CHD9: variants seen among roughly 807,000 people sequenced by gnomAD.
CHD9 encodes the protein chromodomain helicase DNA binding protein 9.
CHD9 carries 77 observed loss-of-function variants against 316.1 expected under a neutral mutation model. The ratio of observed to expected loss-of-function variants is 0.24; its 90% CI spans 0.20 to 0.29. The LOEUF is 0.29. CHD9 is among the 10% of genes least tolerant of loss of function. CHD9 has a pLI of 1.00. For synonymous variants in CHD9, 1,129 were observed against 1,158.3 expected (o/e 0.97, Z 0.51); for missense variants, 2,763 against 3,438.1 (o/e 0.80, Z 4.91).
intron 34 of CHD9, among the ~76,000 whole-genome samples, chr16:53,312,662 G>A (rs1419871007): frequency 6.6e-6 from 1 of 152,082 alleles, no homozygotes; most frequent in East Asian, 1.9e-4. Flanking sequence ...TCTAGGGCAG[G>A]GGTCAGAGGT....
intron 1 of CHD9, among the ~76,000 whole-genome samples, chr16:53,132,599 A>G (rs149774038): frequency 2.8e-4 from 43 of 152,208 alleles, no homozygotes; most frequent in Non-Finnish European, 8.8e-5. Context: ...TTTGCAATGC[A>G]AAAGGATGAT....
chr16:53,307,936 A>G lies in CHD9; in HGVS notation c.7036A>G (p.Thr2346Ala), dbSNP rs1417639382. 1.2e-6 allele frequency: 2 copies of G among 1,607,298 alleles called. No individual in the cohort carries two copies. Among genetic ancestry groups the G allele is most frequent in the African/African-American group, 2.7e-5 (2 of 74,826 alleles). Residue 2346 changes from threonine (T) to alanine (A), a missense_variant, in exon 33 of 39, where the codon ACA (threonine) becomes GCA (alanine). By Grantham distance (58) the Thr-to-Ala change is moderately conservative. Around this residue, in one of 15 missense-constraint regions of CHD9, gnomAD observed 663 missense variants for 751.2 expected, o/e 0.88. Coordinates refer to ENST00000447540, the MANE Select transcript of CHD9 (RefSeq NM_001308319.2). ...VKKHVREKEF[T>A]VKIKDEGGLK... Reference sequence around the variant, plus strand: ...GAAGCATGTACGAGAAAAGGAGTTTACAGTGAAAATCAAAGACGTATGTGT... The same window carrying G: ...GAAGCATGTACGAGAAAAGGAGTTTGCAGTGAAAATCAAAGACGTATGTGT...
intron 1 of CHD9, among the ~76,000 whole-genome samples, chr16:53,086,285 A>T (rs770792982): frequency 6.6e-6 from 1 of 152,212 alleles, no homozygotes; most frequent in Non-Finnish European, 1.5e-5. Flanking sequence ...CAAGAGGCAC[A>T]TGAAATCAGT....
intron 1 of CHD9, among the ~76,000 whole-genome samples, chr16:53,127,908 A>G (rs1192410706): frequency 1.6e-5 from 2 of 128,736 alleles, no homozygotes; most frequent in African/African-American, 6.1e-5. Flanking sequence ...ATTCCACTGC[A>G]CTCCAGCCTG....
chr16:53,077,481 G>A (rs563854288), intron 1 of CHD9, among the ~76,000 whole-genome samples: 25 of 151,702 alleles, frequency 1.6e-4, no homozygotes, highest in East Asian at 5.8e-4. Context: ...CCGCCACCAC[G>A]CCCAGTTAAT....
chr16:53,285,866 C>T (rs2053826644), intron 25 of CHD9, among the ~76,000 whole-genome samples, 167 bp downstream of exon 25: 1 of 152,182 alleles, frequency 6.6e-6, no homozygotes, highest in Non-Finnish European at 1.5e-5. Flanking sequence ...CACCACATTA[C>T]CTCGTGGGAG....
In CHD9 at chr16:53,215,409, C is replaced by CTT. The variant is rs559600671; in HGVS notation, c.1784+5598_1784+5599dup. On this transcript the variant is annotated intron_variant, in intron 3 of 38. Transcript: ENST00000447540. ...CCCAAAAGCTTATAATACAATGTAA[C>CTT]TTTCGCATATTTAAGGATTACAGTT... Among the ~76,000 whole-genome samples, 35 of 152,272 alleles carry CTT rather than the reference C, an allele frequency of 2.3e-4. No individual in the cohort carries two copies. The East Asian group carries it at 6.2e-3, about 27-fold the overall frequency.
At chr16:53,211,094 C>T (rs2046297830) in intron 3 of CHD9, among the ~76,000 whole-genome samples, 1 of 151,952 alleles carries the variant, frequency 6.6e-6, no homozygotes, top group South Asian at 2.1e-4. Context: ...CCAGTTTTAA[C>T]TTGTTCAGAG....
At chr16:53,280,568 C>G (rs986232512) in intron 24 of CHD9, among the ~76,000 whole-genome samples, 1 of 151,754 alleles carries the variant, frequency 6.6e-6, no homozygotes, top group Admixed American at 6.6e-5. Context: ...AAATTGGGTG[C>G]GGTGTATACT....
chr16:53,324,244 C>T lies in CHD9; in HGVS notation c.8043C>T (p.Asn2681=), dbSNP rs2057447442. 6.2e-7 allele frequency: 1 copy of T among 1,613,878 alleles called. No individual in the cohort carries two copies. The highest frequency in any genetic ancestry group is 8.5e-7 in the Non-Finnish European group (1 of 1,179,896). ...TLQALQQNLQ[N]LQSLQVTAGL... is the part of the protein sequence containing the mutation. ...AGGCCTTACAACAAAACCTACAAAA[C>T]TTGCAGTCACTGCAAGTAACTGCTG... Residue 2681 remains asparagine, a synonymous_variant, in exon 39 of 39, where the codon AAC becomes AAT. Coordinates refer to ENST00000447540, the MANE Select transcript of CHD9 (RefSeq NM_001308319.2).
intron 26 of CHD9, among the ~76,000 whole-genome samples, chr16:53,286,718 G>A (rs981915267): frequency 5.9e-5 from 9 of 151,900 alleles, no homozygotes; most frequent in African/African-American, 1.7e-4. Context: ...GGGGGATTTT[G>A]GTATTCAGGA....
chr16:53,103,042 T>G (rs1238050551), intron 1 of CHD9, among the ~76,000 whole-genome samples: 2 of 151,872 alleles, frequency 1.3e-5, no homozygotes, highest in African/African-American at 2.4e-5. Context: ...AGAAAGGGTT[T>G]CACCATGTTA....
intron 1 of CHD9, among the ~76,000 whole-genome samples, chr16:53,139,808 A>C (rs1278430826): frequency 6.6e-6 from 1 of 152,156 alleles, no homozygotes; most frequent in Non-Finnish European, 1.5e-5. Flanking sequence ...CTTCGAAAAT[A>C]ATGCATTTAG....
chr16:53,145,148 T>C (rs543967138), intron 1 of CHD9, among the ~76,000 whole-genome samples: 1 of 151,694 alleles, frequency 6.6e-6, no homozygotes, highest in East Asian at 2.0e-4. Flanking sequence ...ACTCTTGTAA[T>C]CCCAGCACTT....
chr16:53,255,009 G>A (rs754532580), intron 18 of CHD9, among the ~76,000 whole-genome samples: 17 of 151,518 alleles, frequency 1.1e-4, no homozygotes, highest in African/African-American at 3.4e-4. Flanking sequence ...AATATCTATC[G>A]GTAATAGGAT....
At chr16:53,110,416 G>A (rs2037773187) in intron 1 of CHD9, among the ~76,000 whole-genome samples, 2 of 152,116 alleles carry the variant, frequency 1.3e-5, no homozygotes, top group African/African-American at 4.8e-5. Context: ...GGGCAACATA[G>A]TGAGACTCTG....
At chr16:53,169,083 TGC>T (rs2042486922) in intron 2 of CHD9, 1 of 152,212 alleles carries the variant, frequency 6.6e-6, no homozygotes, top group Non-Finnish European at 1.5e-5. Context: ...TTGTGGTGCA[TGC>T]CTGTAGTCCC....
intron 2 of CHD9, among the ~76,000 whole-genome samples, chr16:53,193,997 A>G (rs1291092532): frequency 5.3e-5 from 8 of 152,218 alleles, no homozygotes; most frequent in Non-Finnish European, 7.3e-5. Context: ...GAATTTTTGA[A>G]TGGACATTTG....
intron 1 of CHD9, among the ~76,000 whole-genome samples, chr16:53,103,977 C>T (rs375856468): frequency 6.6e-6 from 1 of 152,316 alleles, no homozygotes; most frequent in Admixed American, 6.5e-5. Flanking sequence ...GCCTTCCCTT[C>T]TCGCCAAAGC....
Sources: allele counts gnomAD v4.1 joint callset (sites outside exome capture counted in the v4.1 genomes callset), GRCh38; gene constraint gnomAD v4.1.1; regional missense constraint gnomAD v4.1.1; transcripts MANE v1.5; gene names NCBI Gene and HGNC (gene_info 2026-07-23, HGNC 2026-07-21).